Variants in FMR1 observed in about 807,000 individuals in gnomAD.
FMR1 encodes FMRP translational regulator 1.
In FMR1, 13 loss-of-function variants were observed where a neutral mutation model predicts 50.6. That is an observed-to-expected ratio of 0.26 (90% confidence interval 0.17 to 0.41). The LOEUF is 0.41. Ranked by LOEUF, FMR1 falls within the 10% of genes least tolerant of loss-of-function variation. FMR1 has a pLI of 1.00. For synonymous variants in FMR1, 138 were observed against 164.1 expected (o/e 0.84, Z 1.22); for missense variants, 316 against 491.3 (o/e 0.64, Z 3.37).
chrX:147,920,275 A>G (rs971000), intron 1 of FMR1, among the ~76,000 whole-genome samples: 56,075 of 110,438 alleles, frequency 0.51, 11,252 homozygotes, highest in African/African-American at 0.74. Context: ...AAAACACTAT[A>G]CTTTCCCCAT....
chrX:147,916,422 T>A, intron 1 of FMR1, among the ~76,000 whole-genome samples: 1 of 110,960 alleles, frequency 9.0e-6, no homozygotes, highest in South Asian at 3.8e-4. Flanking sequence ...AGTGTCCCCA[T>A]ACAACGGGGC....
At chrX:147,925,127 T>A (rs1043044790) in intron 2 of FMR1, 9 of 144,200 alleles carry the variant, frequency 6.2e-5, no homozygotes, top group Non-Finnish European at 1.2e-4. Flanking sequence ...TTTGTGGTCC[T>A]TGGAATGTGG....
At chrX:147,931,147 G>T (rs2043591258) in intron 7 of FMR1, among the ~76,000 whole-genome samples, 1 of 111,692 alleles carries the variant, frequency 9.0e-6, no homozygotes, top group African/African-American at 3.2e-5. Flanking sequence ...ATGTCCCTGT[G>T]TTCATGATTT....
At chrX:147,925,481 C>T in intron 2 of FMR1, 59 bp from the exon 3 acceptor site, 1 of 874,726 alleles carries the variant, frequency 1.1e-6, no homozygotes, top group Admixed American at 2.2e-5. Flanking sequence ...GCAGAGTGGT[C>T]ATTATTTCAG....
chrX:147,945,190 G>A, intron 15 of FMR1, 139 bp downstream of exon 15: 2 of 938,556 alleles, frequency 2.1e-6, no homozygotes, highest in Non-Finnish European at 3.0e-6. Context: ...GAAAGGATCA[G>A]CCTTCCACTT....
At chrX:147,943,713 C>T (rs1557181389) in intron 14 of FMR1, 2 of 139,828 alleles carry the variant, frequency 1.4e-5, no homozygotes, top group Non-Finnish European at 2.8e-5. Context: ...AGGGGTCTGC[C>T]TCTTGTGGCT....
In FMR1 at chrX:147,928,405, C is replaced by G; in HGVS notation, c.270+12C>G. On this transcript the variant is annotated intron_variant, in intron 4 of 16. Coordinates refer to ENST00000370475, the MANE Select transcript of FMR1 (RefSeq NM_002024.6). ...TGATAAAGGGTGAGGTAGGAAAATG[C>G]CTATTTAAATTTTTTTCTTATATTG... is the stretch of plus-strand genomic sequence containing the variant. The G allele has an allele frequency of 8.6e-7, 1 of 1,167,440 alleles. No individual in the cohort carries two copies. The highest frequency in any genetic ancestry group is 1.2e-6 in the Non-Finnish European group (1 of 856,304).
chrX:147,941,839 T>C (rs2124560881), intron 13 of FMR1, among the ~76,000 whole-genome samples: 1 of 112,532 alleles, frequency 8.9e-6, no homozygotes, highest in African/African-American at 3.2e-5. Context: ...CTCAAGAATA[T>C]CTTCTTTGGT....
chrX:147,917,727 G>A (rs1215735336), intron 1 of FMR1, among the ~76,000 whole-genome samples: 1 of 111,428 alleles, frequency 9.0e-6, no homozygotes, highest in Non-Finnish European at 1.9e-5. Flanking sequence ...TTTATTTAGT[G>A]CCACCTATGT....
chrX:147,915,848 C>T (rs1569545206), intron 1 of FMR1, among the ~76,000 whole-genome samples: 1 of 111,485 alleles, frequency 9.0e-6, no homozygotes, highest in Non-Finnish European at 1.9e-5. Flanking sequence ...AGTGTCAGGG[C>T]CATTAAGGGT....
chrX:147,945,592 A>G lies in FMR1; in HGVS notation c.1713A>G (p.Gly571=). 2 of 1,205,785 alleles carry G rather than the reference A, an allele frequency of 1.7e-6. No individual in the cohort carries two copies. Among genetic ancestry groups the G allele is most frequent in the Non-Finnish European group, 2.2e-6 (2 of 889,752 alleles). The stretch of plus-strand genomic sequence containing the variant: ...CACGTAATCCAAGAGAGGCTAAAGG[A>G]AGAACAACAGATGGATCCCTTCAGG... ...NRPRNPREAK[G]RTTDGSLQIR... is the part of the protein sequence containing the mutation. Residue 571 remains glycine, a synonymous_variant, in exon 16 of 17, where the codon GGA becomes GGG. Coordinates refer to ENST00000370475, the MANE Select transcript of FMR1 (RefSeq NM_002024.6).
At chrX:147,948,548 C>A in intron 16 of FMR1, 135 bp from the exon 17 acceptor site, 1 of 1,130,890 alleles carries the variant, frequency 8.8e-7, no homozygotes, top group Non-Finnish European at 1.2e-6. Context: ...TAATTTCTTG[C>A]ACTTCTTCTG....
chrX:147,940,160 C>CA (rs782591628), intron 12 of FMR1: 9,952 of 30,818 alleles, frequency 0.32, 1,315 homozygotes, highest in East Asian at 0.69. Flanking sequence ...GACTCCGTCT[C>CA]AAAAAAAAAA....
At position 147,935,804 on chromosome X, in the gene FMR1, G is replaced by A. The variant is rs142857682; in HGVS notation, c.881-700G>A. Among the ~76,000 whole-genome samples, 252 of 112,191 alleles carry A rather than the reference G, an allele frequency of 2.2e-3. 1 individual carries two copies. The highest frequency in any genetic ancestry group is 7.8e-3 in the African/African-American group (240 of 30,930). On this transcript the variant is annotated intron_variant, in intron 9 of 16. Transcript: ENST00000370475. The stretch of plus-strand genomic sequence containing the variant: ...TAAAGCTTTTTCATTGTGGTTTTGA[G>A]TTATCTTAAAGTGGGTTTTCTTAAT...
rs781888782 is a variant in FMR1, at chrX:147,945,633, T to C, written c.1737+17T>C. 2.7e-6 allele frequency: 3 copies of C among 1,091,375 alleles called. No homozygotes were observed. Among genetic ancestry groups the C allele is most frequent in the Non-Finnish European group, 1.3e-6 (1 of 786,637 alleles). 89.9% of individuals were successfully genotyped at this position (1,091,375 alleles called of 1,213,427 possible). ...TCCCTTCAGGTAAAACCTGTCTGCC[T>C]CTTTTCATCTTAATTGTTTGAATAT... On this transcript the variant is annotated intron_variant, in intron 16 of 16. Coordinates refer to ENST00000370475, the MANE Select transcript of FMR1 (RefSeq NM_002024.6).
Position 147,912,081 on chromosome X carries a change from AGGCGGCGGCGGCGGC to A in FMR1, c.-83_-69del, listed in dbSNP as rs782036637. Reference sequence around the variant, plus strand: ...GCGGCGGCGGCGGCGGCGGCGGCGGAGGCGGCGGCGGCGGCGGCGGCGGCGGCGGCTGGGCCTCGA... The same window carrying A: ...GCGGCGGCGGCGGCGGCGGCGGCGGAGGCGGCGGCGGCGGCTGGGCCTCGA... On this transcript the variant is annotated 5_prime_UTR_variant, in exon 1 of 17. Transcript: ENST00000370475. The A allele has an allele frequency of 1.6e-4, 44 of 283,705 alleles. No individual in the cohort carries two copies. The highest frequency in any genetic ancestry group is 3.3e-4 in the South Asian group (2 of 6,151). 23.4% of individuals were successfully genotyped at this position (283,705 alleles called of 1,213,427 possible). A position where few individuals can be genotyped will look rare whatever the true frequency, so the allele number is the denominator to read the frequency against.
At chrX:147,938,998 G>A (rs1557180165) in intron 12 of FMR1, among the ~76,000 whole-genome samples, 1 of 111,946 alleles carries the variant, frequency 8.9e-6, no homozygotes, top group Non-Finnish European at 1.9e-5. Context: ...AAAGATATTC[G>A]TAAATAATTT....
intron 5 of FMR1, among the ~76,000 whole-genome samples, chrX:147,929,543 C>T (rs1557178245): frequency 1.9e-5 from 2 of 107,972 alleles, no homozygotes; most frequent in South Asian, 8.1e-4. Flanking sequence ...ATCTCATATG[C>T]CCCATAAATA....
At chrX:147,933,340 A>G (rs1299101758) in intron 9 of FMR1, 1 of 539,591 alleles carries the variant, frequency 1.9e-6, no homozygotes, top group Non-Finnish European at 2.7e-6. Context: ...TTTGAAATAG[A>G]TTTGTATTTG....
Sources: gnomAD v4.1 joint callset for allele counts (sites outside exome capture counted in the v4.1 genomes callset) on GRCh38, gnomAD v4.1.1 for gene constraint, MANE v1.5 for transcripts, NCBI Gene and HGNC (gene_info 2026-07-23, HGNC 2026-07-21) for gene names.